The following SLC38A6 variants were observed in gnomAD, a reference collection of about 807,000 sequenced individuals.
SLC38A6 encodes the protein N system amino acid transporter NAT-1.
In SLC38A6, 73 loss-of-function variants were observed where a neutral mutation model predicts 65.0. That is an observed-to-expected ratio of 1.12 (90% CI 0.93 to 1.37). SLC38A6 has a LOEUF of 1.37. Ranked by LOEUF, SLC38A6 falls within the 40% of genes most tolerant of loss-of-function variation. SLC38A6 has a pLI of 0.00. For missense variants in SLC38A6, 561 were observed against 531.1 expected (o/e 1.06, Z -0.55); for synonymous variants, 183 against 178.8 (o/e 1.02, Z -0.19).
At chr14:61,054,687 A>G (rs1401337771), downstream of SLC38A6, among the ~76,000 whole-genome samples, 2 of 152,186 alleles carry the variant, frequency 1.3e-5, no homozygotes, top group Non-Finnish European at 2.9e-5. Flanking sequence ...TTGGTGGTGT[A>G]TAGGAATGCT....
chr14:61,022,957 A>C (rs2040418042), intron 5 of SLC38A6, among the ~76,000 whole-genome samples: 1 of 152,202 alleles, frequency 6.6e-6, no homozygotes, highest in Admixed American at 6.5e-5. Flanking sequence ...ATGTTTGAAA[A>C]ATGTGAAAAG....
chr14:61,081,674 ACT>A (rs1461885536), intron 16 of SLC38A6, among the ~76,000 whole-genome samples: 4 of 151,748 alleles, frequency 2.6e-5, no homozygotes, highest in South Asian at 4.2e-4. Flanking sequence ...ACAGAGCGAG[ACT>A]CTGTCTCAAA....
intron 3 of SLC38A6, among the ~76,000 whole-genome samples, chr14:60,992,409 A>G (rs2037966911): frequency 6.6e-6 from 1 of 152,188 alleles, no homozygotes; most frequent in Non-Finnish European, 1.5e-5. Context: ...AATTTTGTAA[A>G]TATTTCTCGG....
In SLC38A6 at chr14:61,010,790, G is replaced by A. The variant is rs527668441; in HGVS notation, c.311-5114G>A. Among the ~76,000 whole-genome samples the A allele has an allele frequency of 4.9e-4, 74 of 152,270 alleles. No homozygotes were observed. In the East Asian group the frequency reaches 0.012, roughly 25 times the overall value. On this transcript the variant is annotated intron_variant, in intron 3 of 15. Transcript: ENST00000267488. ...GTGCTGTTTTGGTTACTGTAGCCTC[G>A]TAGTATAGTTTGAAGTCAGGTAGCG...
At position 60,981,269 on chromosome 14, in the gene SLC38A6, G is replaced by C. The variant is rs959848946; in HGVS notation, c.-9G>C. The C allele has an allele frequency of 6.3e-7, 1 of 1,595,026 alleles. No individual in the cohort carries two copies. The highest frequency in any genetic ancestry group is 8.5e-7 in the Non-Finnish European group (1 of 1,170,914). On this transcript the variant is annotated 5_prime_UTR_variant, in exon 1 of 16. Coordinates refer to ENST00000267488, the MANE Select transcript of SLC38A6 (RefSeq NM_153811.3). ...CGTAGATGGAACTGGTAGTCAGCTG[G>C]AGAGCAGCATGGAGGCGTCCTGGGG...
chr14:61,065,753 G>A (rs926524544), intron 15 of SLC38A6, among the ~76,000 whole-genome samples: 1 of 152,206 alleles, frequency 6.6e-6, no homozygotes, highest in Admixed American at 6.5e-5. Flanking sequence ...GGCAAACACT[G>A]TATAAGATGT....
intron 15 of SLC38A6, among the ~76,000 whole-genome samples, chr14:61,061,452 A>G (rs2042838435): frequency 6.6e-6 from 1 of 152,150 alleles, no homozygotes; most frequent in African/African-American, 2.4e-5. Flanking sequence ...GCCTCATAGA[A>G]TGAGTTAAGA....
Position 61,035,240 on chromosome 14 carries a change from G to GA in SLC38A6, c.483-1811dup, listed in dbSNP as rs112029843. ...TGACAGCTACGATAAAGAAAATTGA[G>GA]AAAAAAAAGCAAAGAAAAATCATGC... On this transcript the variant is annotated intron_variant, in intron 6 of 15. Transcript: ENST00000267488. Among the ~76,000 whole-genome samples the GA allele has an allele frequency of 8.5e-3, 1,288 of 151,718 alleles. 22 individuals carry two copies. Among genetic ancestry groups the GA allele is most frequent in the African/African-American group, 0.029 (1,213 of 41,406 alleles).
chr14:61,022,138 G>A (rs752929369), intron 5 of SLC38A6, among the ~76,000 whole-genome samples: 4 of 151,884 alleles, frequency 2.6e-5, no homozygotes, highest in Non-Finnish European at 5.9e-5. Flanking sequence ...ACGTATTAAC[G>A]TATTTTATTA....
chr14:61,004,991 G>T (rs1314205120), intron 3 of SLC38A6, among the ~76,000 whole-genome samples: 1 of 151,964 alleles, frequency 6.6e-6, no homozygotes, highest in African/African-American at 2.4e-5. Context: ...TATCCACCAT[G>T]ATCAAGTGGG....
chr14:61,045,478 A>C, intron 11 of SLC38A6, 53 bp downstream of exon 11: 1 of 1,347,026 alleles, frequency 7.4e-7, no homozygotes, highest in Non-Finnish European at 1.1e-6. Context: ...TTTTACCTCT[A>C]AGGCTTTCGG....
At chr14:60,998,204 C>A (rs1027286780) in intron 3 of SLC38A6, among the ~76,000 whole-genome samples, 3 of 151,900 alleles carry the variant, frequency 2.0e-5, no homozygotes, top group East Asian at 3.9e-4. Flanking sequence ...CCCCCACCCC[C>A]CAAGCCTGGA....
chr14:61,026,904 G>A (rs1185410289), intron 5 of SLC38A6, among the ~76,000 whole-genome samples: 1 of 152,102 alleles, frequency 6.6e-6, no homozygotes, highest in Admixed American at 6.6e-5. Flanking sequence ...GATGTTAGCT[G>A]TTTTCATGGA....
At chr14:61,073,558 A>T (rs1028232672) in intron 15 of SLC38A6, among the ~76,000 whole-genome samples, 1 of 152,122 alleles carries the variant, frequency 6.6e-6, no homozygotes, top group Non-Finnish European at 1.5e-5. Context: ...CTATTATCAA[A>T]TTTGGTTTGT....
chr14:61,031,176 G>T (rs912351178), intron 6 of SLC38A6: 1 of 151,882 alleles, frequency 6.6e-6, no homozygotes, highest in Non-Finnish European at 1.5e-5. Flanking sequence ...AAAATTAATT[G>T]TACTTTTCAC....
chr14:61,050,255 G>T (rs1387337904), intron 12 of SLC38A6, among the ~76,000 whole-genome samples: 1 of 152,096 alleles, frequency 6.6e-6, no homozygotes, highest in Non-Finnish European at 1.5e-5. Context: ...AAGTTCCAAA[G>T]AGATAATTTA....
At chr14:60,987,112 T>C in intron 3 of SLC38A6, 2 of 384,544 alleles carry the variant, frequency 5.2e-6, no homozygotes, top group South Asian at 2.0e-5. Flanking sequence ...CTCACCTGTC[T>C]TCCGTTGATT....
chr14:61,027,664 A>T (rs546365712), intron 5 of SLC38A6, among the ~76,000 whole-genome samples: 75 of 152,136 alleles, frequency 4.9e-4, no homozygotes, highest in Non-Finnish European at 9.3e-4. Flanking sequence ...TTTAATTAAG[A>T]TATATTTCCT....
At chr14:61,004,511 A>G (rs1189747798) in intron 3 of SLC38A6, 1 of 152,238 alleles carries the variant, frequency 6.6e-6, no homozygotes, top group Non-Finnish European at 1.5e-5. Flanking sequence ...GGTTATCACC[A>G]CTGATCCCAC....
Sources: allele counts gnomAD v4.1 joint callset (sites outside exome capture counted in the v4.1 genomes callset), GRCh38; gene constraint gnomAD v4.1.1; transcripts MANE v1.5; gene names NCBI Gene and HGNC (gene_info 2026-07-23, HGNC 2026-07-21).